Variants in NFIC observed in about 807,000 individuals in gnomAD.
The protein encoded by NFIC is nuclear factor 1 C-type.
A neutral mutation model predicts 54.4 loss-of-function variants in NFIC; 12 were observed. That is an observed-to-expected ratio of 0.22 (90% CI 0.14 to 0.36). The LOEUF is 0.36. Ranked by LOEUF, NFIC falls within the 10% of genes least tolerant of loss-of-function variation. NFIC has a pLI of 1.00. For missense variants in NFIC, 575 were observed against 718.2 expected (o/e 0.80, Z 2.28); for synonymous variants, 322 against 319.2 (o/e 1.01, Z -0.09).
rs374592356 is a variant in NFIC, at chr19:3,447,832, G to C, written c.959-1182G>C. ...GGGGCTTTCCAGGGGGTGCCTGGAG[G>C]GGGAGGGAAGCCGATGTTTGGTGGG... On this transcript the variant is annotated intron_variant, in intron 6 of 10. Transcript: ENST00000443272. Among the ~76,000 whole-genome samples, 16 of 152,350 alleles carry C rather than the reference G, an allele frequency of 1.1e-4. No individual in the cohort carries two copies. The East Asian group carries it at 1.9e-3, about 18-fold the overall frequency.
At chr19:3,431,886 G>C (rs974068987) in intron 3 of NFIC, among the ~76,000 whole-genome samples, 1 of 152,316 alleles carries the variant, frequency 6.6e-6, no homozygotes, top group East Asian at 1.9e-4. Flanking sequence ...GGACATTTGG[G>C]TGGCTTTCCA....
intron 10 of NFIC, among the ~76,000 whole-genome samples, chr19:3,460,538 A>C (rs991315684): frequency 2.0e-5 from 3 of 151,476 alleles, no homozygotes; most frequent in Non-Finnish European, 4.4e-5. Flanking sequence ...TTGTTTTGAG[A>C]CGGAGTCTTA....
Position 3,463,105 on chromosome 19 carries a change from T to A in NFIC, c.*336T>A. ...ACGGGAGACCCGGGACAGGGCGTCT[T>A]CCTAAGTTATTCATCTCCTCTCCGC... On this transcript the variant is annotated 3_prime_UTR_variant, in exon 11 of 11. Transcript: ENST00000443272. 8.1e-7 allele frequency: 1 copy of A among 1,227,996 alleles called. No individual in the cohort carries two copies. Among genetic ancestry groups the A allele is most frequent in the Non-Finnish European group, 1.0e-6 (1 of 981,408 alleles). 76.1% of individuals were successfully genotyped at this position (1,227,996 alleles called of 1,614,324 possible).
chr19:3,381,572 A>AC (rs2081208580), intron 1 of NFIC, 140 bp from the exon 2 acceptor site: 1 of 1,300,516 alleles, frequency 7.7e-7, no homozygotes. Context: ...GTCCGCAGCG[A>AC]CCCCCTGCCC....
intron 10 of NFIC, among the ~76,000 whole-genome samples, chr19:3,461,764 A>G (rs969942763): frequency 6.6e-6 from 1 of 151,676 alleles, no homozygotes; most frequent in African/African-American, 2.4e-5. Flanking sequence ...TTTTTAAAAT[A>G]TAAAATAAAG....
chr19:3,457,752 G>A (rs1310001016), intron 10 of NFIC: 1 of 152,256 alleles, frequency 6.6e-6, no homozygotes, highest in East Asian at 1.9e-4. Context: ...AAGGGTCACG[G>A]GGCCTCCCCG....
intron 2 of NFIC, among the ~76,000 whole-genome samples, chr19:3,409,816 G>T (rs1433514529): frequency 6.6e-6 from 1 of 152,226 alleles, no homozygotes; most frequent in Non-Finnish European, 1.5e-5. Context: ...TTGAGCAAAG[G>T]CTACAGGGTC....
rs75614736 is a variant in NFIC at position 3,444,576 on chromosome 19, C to T, written c.959-4438C>T. On this transcript the variant is annotated intron_variant, in intron 6 of 10. Coordinates refer to ENST00000443272, the MANE Select transcript of NFIC (RefSeq NM_001245002.2). ...GCCGGCTTATTCTTTCTCGCGGTGCCTGAGCTGCGCTCCCCCCTCCTTCCT... is the reference window on the plus strand; with the variant it reads ...GCCGGCTTATTCTTTCTCGCGGTGCTTGAGCTGCGCTCCCCCCTCCTTCCT... Among the ~76,000 whole-genome samples, 957 of 152,326 alleles carry T rather than the reference C, an allele frequency of 6.3e-3. 15 individuals are homozygous for T. Among genetic ancestry groups the T allele is most frequent in the African/African-American group, 0.022 (914 of 41,576 alleles).
upstream of NFIC, among the ~76,000 whole-genome samples, chr19:3,363,274 T>A (rs1349706324): frequency 9.5e-3 from 699 of 73,548 alleles, 3 homozygotes; most frequent in Non-Finnish European, 0.014. Flanking sequence ...TATATATTTT[T>A]TTTTTTTTTT....
chr19:3,409,374 G>A (rs1462018650), intron 2 of NFIC, among the ~76,000 whole-genome samples: 2 of 152,078 alleles, frequency 1.3e-5, no homozygotes, highest in African/African-American at 2.4e-5. Context: ...TCCCTCCAAC[G>A]CCGCCCCCAA....
rs1012987429 is a variant in NFIC, at chr19:3,453,154, G to A, written c.1269+488G>A. ...CTCAGGAGGCTGAGGTGGGAGGATC[G>A]CTTGAACCTGGGAGGTCGAGGCTGC... On this transcript the variant is annotated intron_variant, in intron 8 of 10. Coordinates refer to ENST00000443272, the MANE Select transcript of NFIC (RefSeq NM_001245002.2). The surrounding 1 kb of genome is among the most constrained non-coding windows in gnomAD (Gnocchi z 6.7). Among the ~76,000 whole-genome samples, 7 of 152,292 alleles carry A rather than the reference G, an allele frequency of 4.6e-5. No homozygotes were observed. The highest frequency in any genetic ancestry group is 1.4e-4 in the African/African-American group (6 of 41,558).
chr19:3,371,919 C>T (rs1568400034), intron 1 of NFIC, among the ~76,000 whole-genome samples: 1 of 133,414 alleles, frequency 7.5e-6, no homozygotes, highest in African/African-American at 2.8e-5. Flanking sequence ...TTCCTTCCTT[C>T]CTTCCTTCCT....
intron 2 of NFIC, among the ~76,000 whole-genome samples, chr19:3,388,875 C>T (rs558711279): frequency 1.6e-4 from 24 of 150,992 alleles, no homozygotes; most frequent in Non-Finnish European, 3.2e-4. Flanking sequence ...TGTGGTGGCT[C>T]ACACATGTAA....
rs552856362 is a variant in NFIC at position 3,463,957 on chromosome 19, GC to G, written c.*1195del. 15 of 983,608 alleles carry G rather than the reference GC, an allele frequency of 1.5e-5. No individual in the cohort carries two copies. The Admixed American group carries it at 4.4e-4, about 29-fold the overall frequency. 60.9% of individuals were successfully genotyped at this position (983,608 alleles called of 1,614,324 possible). On this transcript the variant is annotated 3_prime_UTR_variant, in exon 11 of 11. Coordinates refer to ENST00000443272, the MANE Select transcript of NFIC (RefSeq NM_001245002.2). The stretch of plus-strand genomic sequence containing the variant: ...CCCTCCAGTCAACCCTCATCGCCGT[GC>G]CCCCCCAGAGCTAGAGAGATGGGGC...
chr19:3,395,027 G>A (rs894164393), intron 2 of NFIC, among the ~76,000 whole-genome samples: 8 of 152,010 alleles, frequency 5.3e-5, no homozygotes, highest in African/African-American at 1.4e-4. Context: ...TCTCGAAAAC[G>A]TGAGGGCAGG....
In NFIC at chr19:3,366,671, G is replaced by A; in HGVS notation, c.30+5G>A. 13 of 1,425,156 alleles carry A rather than the reference G, an allele frequency of 9.1e-6. No homozygotes were observed. The highest frequency in any genetic ancestry group is 1.2e-5 in the Non-Finnish European group (13 of 1,086,742). The allele number at this position is 1,425,156 out of a possible 1,614,324, so 88.3% of individuals were successfully genotyped here. On this transcript the variant is annotated splice_donor_5th_base_variant and intron_variant, in intron 1 of 10. Transcript: ENST00000443272. ...TCCCCGCTCTGCCTCACCCAGGTAC[G>A]GTCCTCGCCCGGCCCCCCGCCGGCG...
chr19:3,380,542 T>A (rs1384091313), intron 1 of NFIC, among the ~76,000 whole-genome samples: 1 of 150,698 alleles, frequency 6.6e-6, no homozygotes, highest in Non-Finnish European at 1.5e-5. Flanking sequence ...TTGGCCGGGC[T>A]GGTCTCAAGC....
chr19:3,386,085 A>G (rs1297891248), intron 2 of NFIC, among the ~76,000 whole-genome samples: 1 of 151,252 alleles, frequency 6.6e-6, no homozygotes, highest in Non-Finnish European at 1.5e-5. Flanking sequence ...TGTCTTTCCC[A>G]TATGGAAAAC....
upstream of NFIC, chr19:3,366,566 GTTT>G: frequency 1.0e-6 from 1 of 989,978 alleles, no homozygotes; most frequent in Non-Finnish European, 1.5e-6. Context: ...CGGGGGGGTG[GTTT>G]GGAAAAATGA....
Sources: gnomAD v4.1 joint callset for allele counts (sites outside exome capture counted in the v4.1 genomes callset) on GRCh38, gnomAD v4.1.1 for gene constraint, Gnocchi (gnomAD v3.1) non-coding constraint, MANE v1.5 for transcripts, NCBI Gene and HGNC (gene_info 2026-07-23, HGNC 2026-07-21) for gene names.